SRPX: variants seen among roughly 807,000 people sequenced by gnomAD.
The protein encoded by SRPX is sushi repeat containing protein X-linked, also known as sushi repeat-containing protein SRPX.
A neutral mutation model predicts 38.1 loss-of-function variants in SRPX; 24 were observed. That is an observed-to-expected ratio of 0.63 (90% CI 0.46 to 0.89). The LOEUF (loss-of-function observed/expected upper bound fraction) is 0.89. Among genes scored for constraint, SRPX ranks in the 40% least tolerant of loss-of-function variants. The pLI is 0.00. For missense variants in SRPX, 416 were observed against 377.8 expected, an observed-to-expected ratio of 1.10 and a Z score of -0.84; for synonymous variants, 184 against 153.8, an observed-to-expected ratio of 1.20 and a Z score of -1.45.
intron 1 of SRPX, among the ~76,000 whole-genome samples, chrX:38,200,856 C>T (rs191874967): frequency 7.5e-4 from 84 of 112,158 alleles, no homozygotes; most frequent in African/African-American, 2.5e-3. Flanking sequence ...AGTAAACATA[C>T]AGCATTTGAT....
At chrX:38,216,988 C>T (rs775304567) in intron 1 of SRPX, among the ~76,000 whole-genome samples, 19 of 112,300 alleles carry the variant, frequency 1.7e-4, no homozygotes, top group African/African-American at 4.2e-4. Context: ...AGTAAGCCAT[C>T]GTTTCTATGT....
chrX:38,162,149 G>A (rs897302502), intron 5 of SRPX, among the ~76,000 whole-genome samples: 8 of 112,450 alleles, frequency 7.1e-5, no homozygotes, highest in Admixed American at 2.8e-4. Flanking sequence ...TCAAATATAA[G>A]TGGATGTAAC....
chrX:38,197,996 G>A (rs985520928), intron 1 of SRPX, among the ~76,000 whole-genome samples: 2 of 111,925 alleles, frequency 1.8e-5, no homozygotes, highest in African/African-American at 6.5e-5. Flanking sequence ...GGTGAGATGA[G>A]GGAAGTAGGG....
intron 1 of SRPX, among the ~76,000 whole-genome samples, chrX:38,192,015 C>T (rs1364451398): frequency 8.9e-6 from 1 of 111,802 alleles, no homozygotes; most frequent in Non-Finnish European, 1.9e-5. Flanking sequence ...GGGGAAACCT[C>T]AGGCAGCAGA....
chrX:38,183,052 T>C (rs1477089182), intron 1 of SRPX, among the ~76,000 whole-genome samples: 1 of 81,685 alleles, frequency 1.2e-5, no homozygotes, highest in East Asian at 3.0e-4. Context: ...ATATTCTTGA[T>C]AGATTTTTTT....
At position 38,220,234 on chromosome X, in the gene SRPX, C is replaced by T. The variant is rs190728384; in HGVS notation, c.97+462G>A. ...CCACAAAAGTCGCTTTACCGTGGCT[C>T]GTGTCCTGCGGCCCCAAGGGGGTAG... On this transcript the variant is annotated intron_variant, in intron 1 of 9. Coordinates refer to ENST00000378533, the MANE Select transcript of SRPX (RefSeq NM_006307.5). Among the ~76,000 whole-genome samples, 943 of 113,747 alleles carry T rather than the reference C, an allele frequency of 8.3e-3. 17 individuals are homozygous for T. The highest frequency in any genetic ancestry group is 0.028 in the African/African-American group (885 of 31,437).
chrX:38,189,567 C>A (rs1372128976), intron 1 of SRPX, among the ~76,000 whole-genome samples: 2 of 111,790 alleles, frequency 1.8e-5, no homozygotes, highest in African/African-American at 6.5e-5. Context: ...GATTCTAAAT[C>A]TCATGCAATT....
intron 4 of SRPX, among the ~76,000 whole-genome samples, chrX:38,165,530 T>C (rs1427719023): frequency 8.9e-6 from 1 of 111,733 alleles, no homozygotes; most frequent in Non-Finnish European, 1.9e-5. Context: ...TAAAAGTGAA[T>C]GCTATGGAGG....
intron 2 of SRPX, 51 bp from the exon 3 acceptor site, chrX:38,174,402 G>A (rs1938534044): frequency 1.1e-6 from 1 of 942,069 alleles, no homozygotes; most frequent in African/African-American, 2.0e-5. Flanking sequence ...GACACTTTCA[G>A]AAAATGTGTC....
At chrX:38,178,563 A>C (rs1243234661) in intron 1 of SRPX, among the ~76,000 whole-genome samples, 3 of 111,925 alleles carry the variant, frequency 2.7e-5, no homozygotes, top group African/African-American at 9.7e-5. Context: ...AATGAGCCTC[A>C]AACTGTTTTG....
chrX:38,218,052 C>T (rs1442939479), intron 1 of SRPX, among the ~76,000 whole-genome samples: 1 of 112,332 alleles, frequency 8.9e-6, no homozygotes, highest in Non-Finnish European at 1.9e-5. Context: ...GAGCTAGGTG[C>T]TCCATTCCTA....
intron 1 of SRPX, among the ~76,000 whole-genome samples, chrX:38,201,416 G>A (rs1397593235): frequency 2.7e-5 from 3 of 111,675 alleles, no homozygotes; most frequent in Non-Finnish European, 5.7e-5. Flanking sequence ...TTCCAATTCT[G>A]GGTAAGATGC....
rs756476317 is a variant in SRPX, at chrX:38,217,461, A to T, written c.97+3235T>A. ...AGCATCTGCCAAGAAGGAAAATGTG[A>T]CTCAGGTTCTATAAGGATAGGATTT... On this transcript the variant is annotated intron_variant, in intron 1 of 9. Coordinates refer to ENST00000378533, the MANE Select transcript of SRPX (RefSeq NM_006307.5). Among the ~76,000 whole-genome samples the T allele has an allele frequency of 3.6e-5, 4 of 111,269 alleles. No homozygotes were observed. The East Asian group carries it at 1.1e-3, about 32-fold the overall frequency.
At chrX:38,186,099 C>A (rs746642828) in intron 1 of SRPX, among the ~76,000 whole-genome samples, 1 of 111,310 alleles carries the variant, frequency 9.0e-6, no homozygotes, top group South Asian at 3.9e-4. Context: ...GCAGAAGGGA[C>A]ACCATATCTC....
intron 6 of SRPX, among the ~76,000 whole-genome samples, 177 bp from the exon 7 acceptor site, chrX:38,160,373 C>T (rs1186219587): frequency 1.8e-5 from 2 of 111,838 alleles, no homozygotes; most frequent in Non-Finnish European, 3.8e-5. Context: ...CAATGGTCAC[C>T]ATCCATACCA....
intron 1 of SRPX, among the ~76,000 whole-genome samples, chrX:38,202,437 G>C (rs1348075447): frequency 9.0e-6 from 1 of 111,043 alleles, no homozygotes; most frequent in Non-Finnish European, 1.9e-5. Context: ...AAAGGAAAAG[G>C]CCTCAAAACA....
intron 1 of SRPX, among the ~76,000 whole-genome samples, chrX:38,220,157 A>T (rs935719929): frequency 8.8e-5 from 10 of 113,382 alleles, no homozygotes; most frequent in Admixed American, 5.5e-4. Context: ...ACTTTCTCGG[A>T]ATCCCCAGCA....
chrX:38,196,115 C>CA (rs962711980), intron 1 of SRPX, among the ~76,000 whole-genome samples: 8 of 111,000 alleles, frequency 7.2e-5, no homozygotes, highest in South Asian at 3.8e-4. Context: ...AGATTATTAA[C>CA]AAAAAAAATA....
chrX:38,175,926 A>G (rs1829807735), intron 2 of SRPX, among the ~76,000 whole-genome samples: 1 of 111,773 alleles, frequency 8.9e-6, no homozygotes, highest in African/African-American at 3.3e-5. Flanking sequence ...TACTACATAT[A>G]TTTGTGATAT....
Sources: gnomAD v4.1 joint callset for allele counts (sites outside exome capture counted in the v4.1 genomes callset) on GRCh38, gnomAD v4.1.1 for gene constraint, MANE v1.5 for transcripts, NCBI Gene and HGNC (gene_info 2026-07-23, HGNC 2026-07-21) for gene names.